The following VWA3B variants were observed in gnomAD, a reference collection of about 807,000 sequenced individuals.
VWA3B encodes von Willebrand factor A domain containing 3B.
A neutral mutation model predicts 158.3 loss-of-function variants in VWA3B; 138 were observed. The observed-to-expected ratio is 0.87, with a 90% confidence interval of 0.76 to 1.00. VWA3B has a LOEUF of 1.00. VWA3B is among the 50% of genes least tolerant of loss of function. VWA3B has a pLI of 0.00. For missense variants in VWA3B, 1,555 were observed against 1,565.1 expected (o/e 0.99, Z 0.11); for synonymous variants, 596 against 587.3 (o/e 1.01, Z -0.21).
At chr2:98,209,674 A>C (rs1199615497) in intron 12 of VWA3B, among the ~76,000 whole-genome samples, 1 of 152,102 alleles carries the variant, frequency 6.6e-6, no homozygotes, top group Admixed American at 6.5e-5. Flanking sequence ...TGGTATGAAT[A>C]GTATTAGCTC....
intron 14 of VWA3B, among the ~76,000 whole-genome samples, chr2:98,222,818 A>G (rs1231489933): frequency 6.6e-6 from 1 of 152,250 alleles, no homozygotes; most frequent in Non-Finnish European, 1.5e-5. Context: ...CCACAGAAGT[A>G]GGACAAATCT....
chr2:98,127,436 G>A (rs541352621), intron 5 of VWA3B, among the ~76,000 whole-genome samples: 3 of 152,106 alleles, frequency 2.0e-5, no homozygotes, highest in East Asian at 1.9e-4. Flanking sequence ...GAGGGTGGCC[G>A]GGCTGCAGCA....
intron 14 of VWA3B, among the ~76,000 whole-genome samples, chr2:98,226,630 G>A (rs1339263283): frequency 6.6e-6 from 1 of 152,194 alleles, no homozygotes; most frequent in East Asian, 1.9e-4. Context: ...AACATAAAAA[G>A]ATGAGCTGCA....
intron 13 of VWA3B, among the ~76,000 whole-genome samples, chr2:98,217,390 G>A (rs1684119972): frequency 6.6e-6 from 1 of 152,104 alleles, no homozygotes; most frequent in Admixed American, 6.5e-5. Context: ...GACCCTGCCT[G>A]CTTTCTTCAG....
At chr2:98,321,461 G>A in the VWA3B span, among the ~76,000 whole-genome samples, 1 of 152,230 alleles carries the variant, frequency 6.6e-6, no homozygotes, top group East Asian at 1.9e-4. Context: ...AGCCATAAAA[G>A]CAACCAGAAA....
chr2:98,255,674 C>A (rs555520986), intron 20 of VWA3B, among the ~76,000 whole-genome samples: 1 of 152,222 alleles, frequency 6.6e-6, no homozygotes, highest in African/African-American at 2.4e-5. Flanking sequence ...GGCAGCCAGC[C>A]TGCTTGATCT....
Position 98,112,028 on chromosome 2 carries a change from T to C in VWA3B, c.197-3624T>C, listed in dbSNP as rs565684247. Among the ~76,000 whole-genome samples the C allele has an allele frequency of 1.0e-3, 158 of 152,298 alleles. 2 individuals are homozygous for C. The highest frequency in any genetic ancestry group is 3.8e-3 in the African/African-American group (156 of 41,576). ...CCAGAATAATATTTCTTAGGTTTTC[T>C]TCTAGGATTCCCTAGGATCTTATGT... is the stretch of plus-strand genomic sequence containing the variant. On this transcript the variant is annotated intron_variant, in intron 2 of 27. Coordinates refer to ENST00000477737, the MANE Select transcript of VWA3B (RefSeq NM_144992.5).
chr2:98,269,934 A>T (rs1031085977), intron 21 of VWA3B, among the ~76,000 whole-genome samples: 2 of 152,224 alleles, frequency 1.3e-5, no homozygotes, highest in Admixed American at 1.3e-4. Context: ...AAAATCCAAC[A>T]TCTAAATAAA....
At chr2:98,203,058 C>T (rs1229474710) in intron 12 of VWA3B, among the ~76,000 whole-genome samples, 3 of 152,168 alleles carry the variant, frequency 2.0e-5, no homozygotes, top group African/African-American at 7.2e-5. Flanking sequence ...TTCTCGATTT[C>T]CTGACTTTGT....
At chr2:98,228,061 A>T (rs940121520) in intron 14 of VWA3B, 141 bp from the exon 15 acceptor site, 2 of 868,178 alleles carry the variant, frequency 2.3e-6, no homozygotes, top group East Asian at 5.7e-5. Flanking sequence ...GGCCAAGATG[A>T]GAGGATCACT....
chr2:98,250,439 G>T lies in VWA3B; in HGVS notation c.2792+3G>T. ...CAGGCAATTCAATCCTATGAAAAGT[G>T]AGTATTACTCTTGGCTGCTCTTTAA... On this transcript the variant is annotated splice_donor_region_variant and intron_variant, in intron 20 of 27. Coordinates refer to ENST00000477737, the MANE Select transcript of VWA3B (RefSeq NM_144992.5). 1 of 1,600,862 alleles carries T rather than the reference G, an allele frequency of 6.2e-7. No individual in the cohort carries two copies. Among genetic ancestry groups the T allele is most frequent in the South Asian group, 1.1e-5 (1 of 89,944 alleles).
chr2:98,327,635 G>C, the VWA3B span, among the ~76,000 whole-genome samples: 1 of 152,076 alleles, frequency 6.6e-6, no homozygotes, highest in African/African-American at 2.4e-5. Flanking sequence ...AAACTTTCAG[G>C]AAAACAGGAA....
rs781309312 is a variant in VWA3B, at chr2:98,270,872, G to A, written c.3034G>A (p.Ala1012Thr). 7.4e-6 allele frequency: 12 copies of A among 1,613,846 alleles called. No individual in the cohort carries two copies. The highest frequency in any genetic ancestry group is 2.2e-5 in the South Asian group (2 of 91,054). The stretch of plus-strand genomic sequence containing the variant: ...TGCCAAGAAGAATTATGCAAACAAG[G>A]CCCCGGGAGAGGTGGGTGCCCTGGA... ...EAAKKNYANK[A>T]PGEQQKLQGN... The change falls in exon 22 of 28, where the codon GCC (alanine) becomes ACC (threonine). Residue 1012 changes from alanine to threonine, a missense_variant. Coordinates refer to ENST00000477737, the MANE Select transcript of VWA3B (RefSeq NM_144992.5).
chr2:98,102,489 C>T lies in VWA3B; in HGVS notation c.196+9201C>T, dbSNP rs548109020. Among the ~76,000 whole-genome samples, 21 of 152,266 alleles carry T rather than the reference C, an allele frequency of 1.4e-4. 1 individual carries two copies. In the East Asian group the frequency reaches 3.9e-3, roughly 28 times the overall value. On this transcript the variant is annotated intron_variant, in intron 2 of 27. Transcript: ENST00000477737. The stretch of plus-strand genomic sequence containing the variant: ...GCTTCTTACTTCCCAGACCAGGCGG[C>T]CGGGCAGAGACGCTACTCACTTCCC...
intron 10 of VWA3B, among the ~76,000 whole-genome samples, chr2:98,191,319 A>T (rs1190757022): frequency 6.6e-6 from 1 of 152,062 alleles, no homozygotes; most frequent in East Asian, 1.9e-4. Flanking sequence ...TCATTTTGGG[A>T]TCTGTTTCTG....
At chr2:98,192,554 A>C (rs1386406624) in intron 10 of VWA3B, among the ~76,000 whole-genome samples, 1 of 152,206 alleles carries the variant, frequency 6.6e-6, no homozygotes, top group African/African-American at 2.4e-5. Flanking sequence ...GTCATCAGTT[A>C]AGGCAGGAAC....
chr2:98,298,909 T>G (rs1690007113), intron 24 of VWA3B, among the ~76,000 whole-genome samples: 1 of 152,144 alleles, frequency 6.6e-6, no homozygotes, highest in African/African-American at 2.4e-5. Flanking sequence ...TGAGGTGAAT[T>G]AGTGCCCTAT....
rs955958096 is a variant in VWA3B, at chr2:98,125,288, G to C, written c.703-2951G>C. Among the ~76,000 whole-genome samples the C allele has an allele frequency of 6.6e-6, 1 of 152,220 alleles. No individual in the cohort carries two copies. The highest frequency in any genetic ancestry group is 1.5e-5 in the Non-Finnish European group (1 of 68,038). ...ACAGAAGTGAAAAAAGTGACTGTCT[G>C]GGGCCACCTTCTATTGCTTGCTCTT... On this transcript the variant is annotated intron_variant, in intron 5 of 27. Transcript: ENST00000477737. The surrounding 1 kb of genome is among the most constrained non-coding windows in gnomAD (Gnocchi z 4.1).
At chr2:98,150,329 T>C (rs765426241) in intron 7 of VWA3B, among the ~76,000 whole-genome samples, 1 of 152,234 alleles carries the variant, frequency 6.6e-6, no homozygotes, top group African/African-American at 2.4e-5. Flanking sequence ...GCTTTTCCAG[T>C]GTTTTGACTC....
Sources: allele counts gnomAD v4.1 joint callset (sites outside exome capture counted in the v4.1 genomes callset), GRCh38; gene constraint gnomAD v4.1.1; non-coding constraint Gnocchi (gnomAD v3.1); transcripts MANE v1.5; gene names NCBI Gene and HGNC (gene_info 2026-07-23, HGNC 2026-07-21).